The following METTL2A variants were observed in gnomAD, a reference collection of about 807,000 sequenced individuals.
METTL2A encodes the protein tRNA N(3)-cytidine methyltransferase METTL2A.
A neutral mutation model predicts 49.4 loss-of-function variants in METTL2A; 45 were observed. The observed-to-expected ratio is 0.91, with a 90% CI of 0.72 to 1.17. The LOEUF is 1.17. Ranked by LOEUF, METTL2A falls within the 50% of genes most tolerant of loss-of-function variation. The pLI, the probability that METTL2A is intolerant of heterozygous loss-of-function variation, is 0.00. For missense variants in METTL2A, 361 were observed against 462.2 expected, an observed-to-expected ratio of 0.78 and a Z score of 2.01; for synonymous variants, 118 against 167.5, an observed-to-expected ratio of 0.70 and a Z score of 2.28.
chr17:62,428,597 C>T (rs147081208), intron 4 of METTL2A, among the ~76,000 whole-genome samples: 2 of 152,282 alleles, frequency 1.3e-5, no homozygotes, highest in African/African-American at 4.8e-5. Flanking sequence ...GAATGGCTCA[C>T]AGAACTCAGG....
At position 62,449,239 on chromosome 17, in the gene METTL2A, A is replaced by G. The variant is rs1383961469; in HGVS notation, c.*510A>G. On this transcript the variant is annotated 3_prime_UTR_variant, in exon 9 of 9. Coordinates refer to ENST00000311506, the MANE Select transcript of METTL2A (RefSeq NM_181725.4). ...TGCGTTAAATCTTTTGAGAATGTAA[A>G]TGCCGGGCTAGGCAATTGCAGTTAA... 2 of 270,590 alleles carry G rather than the reference A, an allele frequency of 7.4e-6. No individual in the cohort carries two copies. Among genetic ancestry groups the G allele is most frequent in the Non-Finnish European group, 1.5e-5 (2 of 137,188 alleles). 16.8% of individuals were successfully genotyped at this position (270,590 alleles called of 1,614,324 possible). A position where few individuals can be genotyped will look rare whatever the true frequency, so the allele number is the denominator to read the frequency against.
Position 62,448,667 on chromosome 17 carries a change from A to G in METTL2A, c.1075A>G (p.Thr359Ala). 1 of 1,614,232 alleles carries G rather than the reference A, an allele frequency of 6.2e-7. No individual in the cohort carries two copies. The highest frequency in any genetic ancestry group is 8.5e-7 in the Non-Finnish European group (1 of 1,180,050). The change falls in exon 9 of 9, where the codon ACA becomes GCA. Residue 359 changes from threonine (T) to alanine (A), a missense_variant. Thr to Ala is a moderately conservative substitution (Grantham distance 58, BLOSUM62 0). Around this residue, in one of 3 missense-constraint regions of METTL2A, gnomAD observed 183 missense variants for 216.5 expected, o/e 0.85. Transcript: ENST00000311506. ...RLQVNRGKQL[T>A]MYRVWIQCKY... ...GCAGGTGAACCGAGGAAAGCAACTG[A>G]CAATGTACCGGGTTTGGATTCAGTG...
intron 4 of METTL2A, among the ~76,000 whole-genome samples, chr17:62,431,564 G>A (rs1254140202): frequency 6.6e-6 from 1 of 151,912 alleles, no homozygotes; most frequent in Non-Finnish European, 1.5e-5. Context: ...TGTTGCCCAG[G>A]CCAGGGTTCT....
intron 4 of METTL2A, among the ~76,000 whole-genome samples, chr17:62,430,254 CA>C (rs1420435325): frequency 1.3e-5 from 2 of 152,202 alleles, no homozygotes; most frequent in East Asian, 3.8e-4. Flanking sequence ...GAACCCACCT[CA>C]AATGGGAGAT....
At chr17:62,445,433 G>C (rs2070762431) in intron 7 of METTL2A, among the ~76,000 whole-genome samples, 1 of 151,864 alleles carries the variant, frequency 6.6e-6, no homozygotes, top group Admixed American at 6.6e-5. Context: ...AACTGAAGAG[G>C]CTTGTATAAT....
At chr17:62,443,326 T>C (rs1169522478) in intron 6 of METTL2A, among the ~76,000 whole-genome samples, 1 of 152,146 alleles carries the variant, frequency 6.6e-6, no homozygotes, top group Non-Finnish European at 1.5e-5. Context: ...TGAAGTGAGC[T>C]ACGATCACAC....
intron 7 of METTL2A, among the ~76,000 whole-genome samples, chr17:62,446,468 G>A (rs1439815871): frequency 1.3e-5 from 2 of 152,112 alleles, no homozygotes; most frequent in Non-Finnish European, 2.9e-5. Context: ...GTGCCACCAC[G>A]CCTGGCTAAT....
At chr17:62,424,134 A>G in intron 1 of METTL2A, 85 bp from the exon 2 acceptor site, 1 of 1,599,882 alleles carries the variant, frequency 6.3e-7, no homozygotes, top group Non-Finnish European at 8.5e-7. Flanking sequence ...GCACTCTCCA[A>G]GGGGAGAGAA....
At position 62,449,728 on chromosome 17, in the gene METTL2A, A is replaced by C; in HGVS notation, c.*999A>C. ...CTGTCTCAAAAAAATAAAAATAAAA[A>C]AAAAATCTTAGTTCCATGGAATTTT... On this transcript the variant is annotated 3_prime_UTR_variant, in exon 9 of 9. Transcript: ENST00000311506. 1 of 172,200 alleles carries C rather than the reference A, an allele frequency of 5.8e-6. No individual in the cohort carries two copies. The highest frequency in any genetic ancestry group is 1.2e-4 in the South Asian group (1 of 8,424). The allele number at this position is 172,200 out of a possible 1,614,324, so 10.7% of individuals were successfully genotyped here.
chr17:62,436,203 A>G (rs1747364467), intron 5 of METTL2A, among the ~76,000 whole-genome samples: 1 of 152,168 alleles, frequency 6.6e-6, no homozygotes, highest in Admixed American at 6.6e-5. Context: ...AGATCGCGCC[A>G]CTGCACTCCA....
In METTL2A at chr17:62,451,789, C is replaced by G. The variant is rs2070807332; in HGVS notation, c.*3060C>G. Among the ~76,000 whole-genome samples the G allele has an allele frequency of 6.6e-6, 1 of 151,774 alleles. No individual in the cohort carries two copies. Among genetic ancestry groups the G allele is most frequent in the Non-Finnish European group, 1.5e-5 (1 of 68,020 alleles). On this transcript the variant is annotated 3_prime_UTR_variant, in exon 9 of 9. Transcript: ENST00000311506. ...CCTGTAACCCCATCCACTTGGAAGG[C>G]TGAGGCAGGAGAATCACTTGAATCT... is the stretch of plus-strand genomic sequence containing the variant.
intron 5 of METTL2A, among the ~76,000 whole-genome samples, chr17:62,438,254 A>G (rs1179667515): frequency 6.6e-6 from 1 of 151,844 alleles, no homozygotes; most frequent in Non-Finnish European, 1.5e-5. Context: ...TAAAAATACA[A>G]AAATTAGCCA....
Position 62,435,312 on chromosome 17 carries a change from ACCTATT to A in METTL2A, c.669+21_669+26del. The stretch of plus-strand genomic sequence containing the variant: ...GTCCAGGTGAGTACAATGGGAAATT[ACCTATT>A]GGTAATTTCCACTGATTAAAGGGAA... On this transcript the variant is annotated intron_variant, in intron 5 of 8. Coordinates refer to ENST00000311506, the MANE Select transcript of METTL2A (RefSeq NM_181725.4). The A allele has an allele frequency of 6.2e-7, 1 of 1,613,852 alleles. No individual in the cohort carries two copies. The highest frequency in any genetic ancestry group is 1.1e-5 in the South Asian group (1 of 91,052).
chr17:62,430,624 A>T (rs2070658423), intron 4 of METTL2A, among the ~76,000 whole-genome samples: 2 of 151,738 alleles, frequency 1.3e-5, no homozygotes, highest in South Asian at 4.2e-4. Flanking sequence ...TTCCTTCCTC[A>T]CATTCTAGAT....
Position 62,444,854 on chromosome 17 carries a change from A to G in METTL2A, c.827A>G (p.Asn276Ser). ...IVPDKMQKAI[N>S]RLSRLLKPGG... ...CTCCACAGGATGCAGAAGGCTATCA[A>G]CAGGCTGAGCAGGCTTCTGAAACCT... is the stretch of plus-strand genomic sequence containing the variant. The change falls in exon 7 of 9, where the codon AAC becomes AGC. Residue 276 changes from asparagine (N) to serine (S), a missense_variant. By Grantham distance (46) the Asn-to-Ser change is conservative. Around this residue, in one of 3 missense-constraint regions of METTL2A, gnomAD observed 183 missense variants for 216.5 expected, o/e 0.85. Transcript: ENST00000311506. 2 of 1,613,952 alleles carry G rather than the reference A, an allele frequency of 1.2e-6. No individual in the cohort carries two copies. Among genetic ancestry groups the G allele is most frequent in the South Asian group, 1.1e-5 (1 of 91,076 alleles).
intron 7 of METTL2A, among the ~76,000 whole-genome samples, chr17:62,447,376 C>T (rs1435535547): frequency 4.6e-5 from 7 of 152,088 alleles, no homozygotes; most frequent in African/African-American, 1.7e-4. Context: ...TCCGAGGTCA[C>T]GCCATTGCAC....
intron 5 of METTL2A, among the ~76,000 whole-genome samples, chr17:62,438,012 G>A (rs1368497759): frequency 6.6e-6 from 1 of 151,708 alleles, no homozygotes; most frequent in Non-Finnish European, 1.5e-5. Flanking sequence ...GCCGGGCATG[G>A]TGGCCAGCAC....
chr17:62,437,133 C>CTTT (rs747770697), intron 5 of METTL2A, among the ~76,000 whole-genome samples: 15 of 125,552 alleles, frequency 1.2e-4, no homozygotes, highest in African/African-American at 2.5e-4. Flanking sequence ...TCAGGCTTCA[C>CTTT]TTTTTTTTTT....
At chr17:62,428,273 G>A (rs113427437) in intron 4 of METTL2A, among the ~76,000 whole-genome samples, 3,213 of 152,310 alleles carry the variant, frequency 0.021, 48 homozygotes, top group Non-Finnish European at 0.033. Flanking sequence ...TGGTAGAGTT[G>A]AGAAAGCTAA....
Sources: allele counts gnomAD v4.1 joint callset (sites outside exome capture counted in the v4.1 genomes callset), GRCh38; gene constraint gnomAD v4.1.1; regional missense constraint gnomAD v4.1.1; transcripts MANE v1.5; gene names NCBI Gene and HGNC (gene_info 2026-07-23, HGNC 2026-07-21).